NEGR1: variants seen among roughly 807,000 people sequenced by gnomAD.
NEGR1 encodes neuronal growth regulator 1.
A neutral mutation model predicts 40.9 loss-of-function variants in NEGR1; 10 were observed. The ratio of observed to expected loss-of-function variants is 0.24; its 90% confidence interval spans 0.15 to 0.42. The LOEUF (loss-of-function observed/expected upper bound fraction) is 0.42. Among genes scored for constraint, NEGR1 ranks in the 10% least tolerant of loss-of-function variants. The probability of loss-of-function intolerance (pLI) is 1.00; values close to 1 mark genes in which losing one functional copy is unlikely to be tolerated. For missense variants in NEGR1, 352 were observed against 438.9 expected (o/e 0.80, Z 1.77); for synonymous variants, 185 against 166.8 (o/e 1.11, Z -0.84).
At chr1:72,157,225 C>T (rs1028961924) in intron 1 of NEGR1, among the ~76,000 whole-genome samples, 2 of 152,126 alleles carry the variant, frequency 1.3e-5, no homozygotes, top group African/African-American at 4.8e-5. Context: ...CCTGCTTTGG[C>T]CTCCCAAAGT....
chr1:72,137,810 A>AG (rs1167041508), intron 1 of NEGR1, among the ~76,000 whole-genome samples: 3 of 152,166 alleles, frequency 2.0e-5, no homozygotes, highest in African/African-American at 7.2e-5. Flanking sequence ...TAAAAGCCAG[A>AG]GAAAAACAGC....
intron 6 of NEGR1, among the ~76,000 whole-genome samples, chr1:71,498,420 T>C (rs1646978918): frequency 6.6e-6 from 1 of 151,914 alleles, no homozygotes; most frequent in Admixed American, 6.6e-5. Context: ...GTGCTTTTCT[T>C]CTGGATATAA....
intron 2 of NEGR1, among the ~76,000 whole-genome samples, chr1:71,920,253 C>A (rs1645700378): frequency 6.6e-6 from 1 of 152,178 alleles, no homozygotes; most frequent in East Asian, 1.9e-4. Flanking sequence ...ACTCCTTCCC[C>A]ACAGTTCTTA....
At chr1:71,647,403 G>A (rs1651567726) in intron 4 of NEGR1, among the ~76,000 whole-genome samples, 1 of 151,904 alleles carries the variant, frequency 6.6e-6, no homozygotes, top group Non-Finnish European at 1.5e-5. Flanking sequence ...CTCATGTCTA[G>A]TAAAGAAGGA....
intron 4 of NEGR1, among the ~76,000 whole-genome samples, chr1:71,653,701 T>C (rs951407868): frequency 6.6e-5 from 10 of 152,194 alleles, no homozygotes; most frequent in African/African-American, 2.4e-4. Context: ...TCTATGACCA[T>C]CACAGCTACT....
chr1:71,599,446 A>G (rs1468086732), intron 5 of NEGR1, among the ~76,000 whole-genome samples: 1 of 152,238 alleles, frequency 6.6e-6, no homozygotes, highest in Non-Finnish European at 1.5e-5. Flanking sequence ...AAGAAAAGTG[A>G]AAGGGAGGAG....
chr1:71,686,439 C>T (rs575347451), intron 4 of NEGR1, among the ~76,000 whole-genome samples: 144 of 152,098 alleles, frequency 9.5e-4, no homozygotes, highest in Non-Finnish European at 1.3e-3. Context: ...GCTTTGTTAT[C>T]TTCAACATGT....
intron 1 of NEGR1, among the ~76,000 whole-genome samples, chr1:72,005,688 A>T (rs1646600565): frequency 6.6e-6 from 1 of 152,068 alleles, no homozygotes; most frequent in Non-Finnish European, 1.5e-5. Context: ...AAGTTTCCAT[A>T]TTTCTTTTAT....
At chr1:71,468,225 G>A (rs867801469) in intron 6 of NEGR1, 1 of 151,856 alleles carries the variant, frequency 6.6e-6, no homozygotes, top group African/African-American at 2.4e-5. Flanking sequence ...TGTTAGTTTA[G>A]TCAGTAGTGC....
At chr1:71,583,715 T>C (rs1256804496) in intron 6 of NEGR1, among the ~76,000 whole-genome samples, 1 of 152,208 alleles carries the variant, frequency 6.6e-6, no homozygotes, top group Non-Finnish European at 1.5e-5. Flanking sequence ...CAAATACTAT[T>C]ATTCTGCCCG....
At chr1:72,090,865 GCC>G (rs1266159459) in intron 1 of NEGR1, among the ~76,000 whole-genome samples, 1 of 152,116 alleles carries the variant, frequency 6.6e-6, no homozygotes, top group African/African-American at 2.4e-5. Context: ...AAGGGACTAG[GCC>G]AGTCTCCAAA....
At chr1:72,118,319 T>C (rs1311455207) in intron 1 of NEGR1, among the ~76,000 whole-genome samples, 1 of 151,858 alleles carries the variant, frequency 6.6e-6, no homozygotes, top group African/African-American at 2.4e-5. Flanking sequence ...CCTCAGTCTT[T>C]CTTCAATTTC....
chr1:71,823,182 C>T (rs1349311921), intron 2 of NEGR1, among the ~76,000 whole-genome samples: 3 of 149,968 alleles, frequency 2.0e-5, no homozygotes, highest in Non-Finnish European at 4.4e-5. Context: ...ATGCTTCCTC[C>T]AGAGTCCCAA....
At chr1:71,638,698 A>C (rs571771269) in intron 4 of NEGR1, among the ~76,000 whole-genome samples, 2 of 152,126 alleles carry the variant, frequency 1.3e-5, no homozygotes, top group East Asian at 3.9e-4. Flanking sequence ...TCATATTCTA[A>C]ATCATTACTA....
At chr1:71,576,059 T>G (rs924252838) in intron 6 of NEGR1, among the ~76,000 whole-genome samples, 1 of 152,140 alleles carries the variant, frequency 6.6e-6, no homozygotes, top group Non-Finnish European at 1.5e-5. Context: ...TGGAGCATAG[T>G]GTCCAAGAAA....
chr1:71,895,141 CTATTT>C (rs1158697901), intron 2 of NEGR1, among the ~76,000 whole-genome samples: 1 of 152,028 alleles, frequency 6.6e-6, no homozygotes, highest in Non-Finnish European at 1.5e-5. Flanking sequence ...AATTTAGGAG[CTATTT>C]TATTATCTAC....
intron 6 of NEGR1, among the ~76,000 whole-genome samples, chr1:71,417,245 C>T (rs950313013): frequency 2.0e-5 from 3 of 152,130 alleles, no homozygotes; most frequent in African/African-American, 7.2e-5. Context: ...ATTTAATTTA[C>T]TTTTATATGA....
intron 2 of NEGR1, among the ~76,000 whole-genome samples, chr1:71,802,646 G>A (rs113030519): frequency 2.0e-5 from 3 of 152,284 alleles, no homozygotes; most frequent in African/African-American, 7.2e-5. Flanking sequence ...GGCCTGGAGA[G>A]CAGAGCATCT....
intron 6 of NEGR1, among the ~76,000 whole-genome samples, chr1:71,477,853 G>T (rs1325798508): frequency 6.6e-6 from 1 of 151,236 alleles, no homozygotes; most frequent in Non-Finnish European, 1.5e-5. Flanking sequence ...AGACTGAGCA[G>T]ATATCTTAAT....
Sources: gnomAD v4.1 joint callset for allele counts (sites outside exome capture counted in the v4.1 genomes callset) on GRCh38, gnomAD v4.1.1 for gene constraint, MANE v1.5 for transcripts, NCBI Gene and HGNC (gene_info 2026-07-23, HGNC 2026-07-21) for gene names.